Variants in TMPRSS7 observed in about 807,000 individuals in gnomAD.
TMPRSS7 encodes the protein transmembrane protease serine 7.
A neutral mutation model predicts 95.6 loss-of-function variants in TMPRSS7; 81 were observed. That is an observed-to-expected ratio of 0.85 (90% CI 0.71 to 1.02). TMPRSS7 has a LOEUF of 1.02. Ranked by LOEUF, TMPRSS7 falls within the 50% of genes least tolerant of loss-of-function variation. TMPRSS7 has a pLI of 0.00. For missense variants in TMPRSS7, 945 were observed against 955.2 expected, an observed-to-expected ratio of 0.99 and a Z score of 0.14; for synonymous variants, 364 against 337.8, an observed-to-expected ratio of 1.08 and a Z score of -0.85.
At chr3:112,075,290 C>A in intron 14 of TMPRSS7, 31 bp from the exon 15 acceptor site, 1 of 1,377,410 alleles carries the variant, frequency 7.3e-7, no homozygotes, top group Non-Finnish European at 9.5e-7. Context: ...CCAAGTCTAC[C>A]TTTAAATCAC....
At chr3:112,073,089 C>CTTTT (rs1156538909) in intron 13 of TMPRSS7, among the ~76,000 whole-genome samples, 3 of 128,462 alleles carry the variant, frequency 2.3e-5, no homozygotes, top group Non-Finnish European at 3.3e-5. Flanking sequence ...TGTTTCCTGA[C>CTTTT]TTTTTTTTTT....
At chr3:112,062,538 T>C (rs1010598114) in intron 11 of TMPRSS7, among the ~76,000 whole-genome samples, 1 of 152,180 alleles carries the variant, frequency 6.6e-6, no homozygotes, top group Non-Finnish European at 1.5e-5. Flanking sequence ...AAAGTAAAGA[T>C]TGCCCACTGA....
intron 10 of TMPRSS7, among the ~76,000 whole-genome samples, chr3:112,059,585 A>C (rs1425887736): frequency 6.6e-6 from 1 of 152,202 alleles, no homozygotes; most frequent in African/African-American, 2.4e-5. Flanking sequence ...TTATGGGCAC[A>C]GGATTCTGAT....
At chr3:112,059,013 G>A (rs1025687388) in intron 10 of TMPRSS7, among the ~76,000 whole-genome samples, 1 of 152,238 alleles carries the variant, frequency 6.6e-6, no homozygotes. Context: ...TTGCTGAGCA[G>A]TTAGCCTAAG....
intron 14 of TMPRSS7, 91 bp from the exon 15 acceptor site, chr3:112,075,230 G>A (rs2073696917): frequency 1.1e-5 from 14 of 1,280,114 alleles, no homozygotes; most frequent in Non-Finnish European, 1.4e-5. Context: ...GCTACCTAGT[G>A]AGTCAGTTCC....
chr3:112,063,322 A>G lies in TMPRSS7; in HGVS notation c.1448-203A>G, dbSNP rs754085899. ...TGCTCACAGAGAGCTCCAGGTGGATACTGCTTTCTTCTTTGCTCTTCTGTG... is the reference window on the plus strand; with the variant it reads ...TGCTCACAGAGAGCTCCAGGTGGATGCTGCTTTCTTCTTTGCTCTTCTGTG... On this transcript the variant is annotated intron_variant, in intron 11 of 17. Transcript: ENST00000452346. 7.9e-5 allele frequency among the ~76,000 whole-genome samples: 12 copies of G among 152,194 alleles called. 1 individual carries two copies. In the South Asian group the frequency reaches 1.2e-3, roughly 16 times the overall value.
intron 9 of TMPRSS7, among the ~76,000 whole-genome samples, chr3:112,051,772 A>G (rs2073362513): frequency 6.6e-6 from 1 of 151,924 alleles, no homozygotes; most frequent in Non-Finnish European, 1.5e-5. Context: ...ATCTTAGTAA[A>G]CTGCTTTTTC....
At chr3:112,066,667 T>A (rs746364161) in intron 13 of TMPRSS7, among the ~76,000 whole-genome samples, 165 bp downstream of exon 13, 4 of 152,198 alleles carry the variant, frequency 2.6e-5, no homozygotes, top group Non-Finnish European at 4.4e-5. Flanking sequence ...GGAACCCCTT[T>A]AGTCCCAAGG....
exon 10 of TMPRSS7, chr3:112,057,025 A>G (rs202119843): frequency 6.3e-7 from 1 of 1,590,578 alleles, no homozygotes; most frequent in Non-Finnish European, 8.6e-7. Flanking sequence ...ATTTTCACAG[A>G]CTTCTCTATC....
At chr3:112,076,819 C>T in intron 15 of TMPRSS7, 57 bp from the exon 16 acceptor site, 1 of 1,573,354 alleles carries the variant, frequency 6.4e-7, no homozygotes, top group Non-Finnish European at 8.6e-7. Flanking sequence ...TGCTTGTTTG[C>T]AAACTGTATG....
intron 10 of TMPRSS7, among the ~76,000 whole-genome samples, chr3:112,060,224 G>A (rs1171543061): frequency 1.3e-5 from 2 of 152,192 alleles, no homozygotes; most frequent in African/African-American, 2.4e-5. Flanking sequence ...GAGGCAGGGC[G>A]AGATCACAGG....
At chr3:112,064,504 A>G (rs2073551037) in intron 12 of TMPRSS7, among the ~76,000 whole-genome samples, 1 of 151,996 alleles carries the variant, frequency 6.6e-6, no homozygotes, top group African/African-American at 2.4e-5. Flanking sequence ...GTGCACCACC[A>G]TGTATCACTA....
intron 9 of TMPRSS7, among the ~76,000 whole-genome samples, chr3:112,051,754 T>TA (rs1157856795): frequency 2.6e-5 from 4 of 152,006 alleles, no homozygotes; most frequent in South Asian, 2.1e-4. Flanking sequence ...TATGCTTTTT[T>TA]AAAAAAAATC....
chr3:112,063,483 C>T, intron 11 of TMPRSS7, 42 bp from the exon 12 acceptor site: 1 of 1,485,158 alleles, frequency 6.7e-7, no homozygotes. Context: ...TTTCAGGGAT[C>T]TATCCAAGAT....
chr3:112,045,622 A>G, intron 4 of TMPRSS7, 128 bp from the exon 5 acceptor site: 1 of 806,746 alleles, frequency 1.2e-6, no homozygotes, highest in East Asian at 2.7e-5. Flanking sequence ...GTCAATGACT[A>G]CCTAAAGAAG....
intron 17 of TMPRSS7, among the ~76,000 whole-genome samples, chr3:112,080,545 TACC>T (rs201649338): frequency 0.031 from 3,990 of 128,280 alleles, 74 homozygotes; most frequent in Non-Finnish European, 0.043. Flanking sequence ...CTACTACTAC[TACC>T]ACCACTACTA....
intron 2 of TMPRSS7, among the ~76,000 whole-genome samples, chr3:112,041,632 A>G (rs1844925): frequency 0.65 from 98,756 of 152,060 alleles, 36,316 homozygotes; most frequent in Non-Finnish European, 0.82. Context: ...AAAGCAGGGT[A>G]TATATGGGCC....
At chr3:112,060,392 A>G (rs1489807447) in intron 10 of TMPRSS7, among the ~76,000 whole-genome samples, 1 of 152,034 alleles carries the variant, frequency 6.6e-6, no homozygotes, top group African/African-American at 2.4e-5. Flanking sequence ...GCCTGGGAGC[A>G]CTAAGGGAGA....
chr3:112,042,921 C>T (rs1262585041), intron 3 of TMPRSS7: 10 of 426,046 alleles, frequency 2.3e-5, no homozygotes, highest in Middle Eastern at 3.4e-4. Flanking sequence ...TGTATTTCCA[C>T]GGTACTGGAG....
Sources: allele counts gnomAD v4.1 joint callset (sites outside exome capture counted in the v4.1 genomes callset), GRCh38; gene constraint gnomAD v4.1.1; transcripts MANE v1.5; gene names NCBI Gene and HGNC (gene_info 2026-07-23, HGNC 2026-07-21).